GLCE: variants seen among roughly 807,000 people sequenced by gnomAD.
The protein encoded by GLCE is D-glucuronyl C5-epimerase.
A neutral mutation model predicts 47.9 loss-of-function variants in GLCE; 19 were observed. That is an observed-to-expected ratio of 0.40 (90% confidence interval 0.28 to 0.58). GLCE has a LOEUF of 0.58. GLCE is among the 20% of genes least tolerant of loss of function. The pLI, the probability that GLCE is intolerant of heterozygous loss-of-function variation, is 0.48. For synonymous variants in GLCE, 245 were observed against 263.4 expected (o/e 0.93, Z 0.68); for missense variants, 556 against 743.3 (o/e 0.75, Z 2.93).
intron 2 of GLCE, among the ~76,000 whole-genome samples, chr15:69,244,884 A>T (rs1019474708): frequency 6.6e-6 from 1 of 152,202 alleles, no homozygotes. Flanking sequence ...ATAGGAATAC[A>T]TTGGAGATAC....
intron 2 of GLCE, among the ~76,000 whole-genome samples, chr15:69,232,787 A>T (rs2052543560): frequency 6.6e-6 from 1 of 152,220 alleles, no homozygotes; most frequent in Non-Finnish European, 1.5e-5. Flanking sequence ...ACAAGGGGGA[A>T]AAATCTATTC....
chr15:69,268,582 A>G lies in GLCE; in HGVS notation c.1192A>G (p.Thr398Ala). 6.2e-7 allele frequency: 1 copy of G among 1,614,184 alleles called. No individual in the cohort carries two copies. Among genetic ancestry groups the G allele is most frequent in the South Asian group, 1.1e-5 (1 of 91,090 alleles). Residue 398 changes from threonine to alanine, a missense_variant, in exon 5 of 5, where the codon ACC (threonine) becomes GCC (alanine). Transcript: ENST00000261858. ...ATTCCTCGACAACATTACCATCTCT[A>G]CCACAGCCCACATGGCTGCATTTTT... ...KGFLDNITIS[T>A]TAHMAAFFAA...
In GLCE at chr15:69,271,052, C is replaced by T. The variant is rs768205221; in HGVS notation, c.*1808C>T. Reference sequence around the variant, plus strand: ...TTGTTATTATTTAGAATGGTTCATACGTCTGCTTTGTTTGCATACTGGTCT... The same window carrying T: ...TTGTTATTATTTAGAATGGTTCATATGTCTGCTTTGTTTGCATACTGGTCT... On this transcript the variant is annotated 3_prime_UTR_variant, in exon 5 of 5. Coordinates refer to ENST00000261858, the MANE Select transcript of GLCE (RefSeq NM_015554.3). 2 of 152,598 alleles carry T rather than the reference C, an allele frequency of 1.3e-5. No homozygotes were observed. Among genetic ancestry groups the T allele is most frequent in the Non-Finnish European group, 1.5e-5 (1 of 68,030 alleles). The allele number at this position is 152,598 out of a possible 1,614,324, so 9.5% of individuals were successfully genotyped here. A position where few individuals can be genotyped will look rare whatever the true frequency, so the allele number is the denominator to read the frequency against.
At chr15:69,186,819 C>T (rs1942358430) in intron 1 of GLCE, among the ~76,000 whole-genome samples, 1 of 152,128 alleles carries the variant, frequency 6.6e-6, no homozygotes, top group African/African-American at 2.4e-5. Context: ...GTGTAGCTTA[C>T]AAGGTATGAC....
intron 1 of GLCE, among the ~76,000 whole-genome samples, chr15:69,161,541 G>A (rs1264877864): frequency 6.6e-6 from 1 of 152,154 alleles, no homozygotes; most frequent in African/African-American, 2.4e-5. Flanking sequence ...TCTCGGGGTG[G>A]GCGCGGCTCC....
chr15:69,188,961 C>G (rs2051873542), intron 1 of GLCE, among the ~76,000 whole-genome samples: 1 of 152,128 alleles, frequency 6.6e-6, no homozygotes, highest in Admixed American at 6.5e-5. Flanking sequence ...TCCCCCCCAC[C>G]AGCCTTTCCC....
chr15:69,178,688 A>G (rs1272859385), intron 1 of GLCE, among the ~76,000 whole-genome samples: 1 of 152,200 alleles, frequency 6.6e-6, no homozygotes, highest in Non-Finnish European at 1.5e-5. Flanking sequence ...AAAGATATCT[A>G]GAATCACTGT....
chr15:69,208,135 T>A (rs1176721753), intron 1 of GLCE, among the ~76,000 whole-genome samples: 1 of 152,020 alleles, frequency 6.6e-6, no homozygotes. Context: ...GAGCATAAAT[T>A]TTTAATTTTG....
At chr15:69,173,793 C>T (rs2051621586) in intron 1 of GLCE, among the ~76,000 whole-genome samples, 1 of 152,128 alleles carries the variant, frequency 6.6e-6, no homozygotes, top group East Asian at 1.9e-4. Flanking sequence ...GTATCAGATT[C>T]TATTAGAGAG....
chr15:69,245,157 AC>A (rs1392032097), intron 2 of GLCE, among the ~76,000 whole-genome samples: 1 of 151,830 alleles, frequency 6.6e-6, no homozygotes, highest in Non-Finnish European at 1.5e-5. Context: ...ACGTGGTGAA[AC>A]CCTTTCTCTA....
At chr15:69,206,503 G>T (rs1043117530) in intron 1 of GLCE, among the ~76,000 whole-genome samples, 3 of 151,928 alleles carry the variant, frequency 2.0e-5, no homozygotes, top group African/African-American at 7.3e-5. Context: ...GTAAGCCTTT[G>T]TCCCTTCTCT....
At chr15:69,202,368 GAGAT>G (rs1257020204) in intron 1 of GLCE, among the ~76,000 whole-genome samples, 3 of 152,100 alleles carry the variant, frequency 2.0e-5, no homozygotes, top group Admixed American at 6.5e-5. Context: ...TGGCTTTTCT[GAGAT>G]AGATAGACTT....
intron 1 of GLCE, among the ~76,000 whole-genome samples, chr15:69,171,387 T>G (rs1446406932): frequency 2.0e-5 from 3 of 151,402 alleles, no homozygotes; most frequent in Non-Finnish European, 4.4e-5. Flanking sequence ...ATATTTACTT[T>G]TGGGATATAT....
chr15:69,251,747 C>T (rs1456350764), intron 2 of GLCE, among the ~76,000 whole-genome samples: 4 of 151,974 alleles, frequency 2.6e-5, no homozygotes, highest in Admixed American at 2.6e-4. Context: ...ATTTTTATTG[C>T]TTCGTTGTGT....
At chr15:69,266,710 G>A in intron 4 of GLCE, 1 of 921,312 alleles carries the variant, frequency 1.1e-6, no homozygotes, top group Non-Finnish European at 1.3e-6. Flanking sequence ...CTGCATCTAA[G>A]AGAACCTTTC....
At chr15:69,239,810 A>T (rs1346325844) in intron 2 of GLCE, among the ~76,000 whole-genome samples, 1 of 152,188 alleles carries the variant, frequency 6.6e-6, no homozygotes, top group African/African-American at 2.4e-5. Flanking sequence ...TTAATCATTA[A>T]TTCTGCCCTT....
At chr15:69,211,082 C>T (rs1039715391) in intron 2 of GLCE, among the ~76,000 whole-genome samples, 6 of 152,124 alleles carry the variant, frequency 3.9e-5, no homozygotes, top group South Asian at 2.1e-4. Context: ...AGTATATGTG[C>T]AGATACAGGA....
chr15:69,232,107 C>T (rs1399015633), intron 2 of GLCE, among the ~76,000 whole-genome samples: 5 of 152,038 alleles, frequency 3.3e-5, no homozygotes, highest in Admixed American at 6.5e-5. Context: ...TTTATATATA[C>T]GTTTGGATGG....
chr15:69,195,863 A>G (rs941387070), intron 1 of GLCE, among the ~76,000 whole-genome samples: 4 of 152,158 alleles, frequency 2.6e-5, no homozygotes, highest in African/African-American at 7.2e-5. Flanking sequence ...TATTAATACC[A>G]TTCCTACTAT....
Sources: gnomAD v4.1 joint callset for allele counts (sites outside exome capture counted in the v4.1 genomes callset) on GRCh38, gnomAD v4.1.1 for gene constraint, MANE v1.5 for transcripts, NCBI Gene and HGNC (gene_info 2026-07-23, HGNC 2026-07-21) for gene names.